NRXN1: variants seen among roughly 807,000 people sequenced by gnomAD.
NRXN1 encodes the protein neurexin-1.
In NRXN1, 39 loss-of-function variants were observed where a neutral mutation model predicts 150.9. The observed-to-expected ratio is 0.26, with a 90% CI of 0.20 to 0.34. The LOEUF is 0.34. NRXN1 is among the 10% of genes least tolerant of loss of function. The pLI is 1.00. For missense variants in NRXN1, 1,815 were observed against 1,949.9 expected (o/e 0.93, Z 1.30); for synonymous variants, 924 against 757.0 (o/e 1.22, Z -3.62).
intron 8 of NRXN1, among the ~76,000 whole-genome samples, chr2:50,618,584 AT>A (rs1432492408): frequency 6.6e-6 from 1 of 151,992 alleles, no homozygotes; most frequent in Non-Finnish European, 1.5e-5. Context: ...GACTTCCTCG[AT>A]TAAGATTTAG....
intron 17 of NRXN1, among the ~76,000 whole-genome samples, chr2:50,279,151 G>A (rs2071065345): frequency 1.3e-5 from 2 of 152,252 alleles, no homozygotes; most frequent in East Asian, 1.9e-4. Context: ...AAATAATGGT[G>A]TTAGTGTTAC....
At chr2:50,673,591 G>A (rs549515525) in intron 5 of NRXN1, among the ~76,000 whole-genome samples, 5 of 152,118 alleles carry the variant, frequency 3.3e-5, no homozygotes, top group African/African-American at 1.2e-4. Flanking sequence ...AGATTATTAG[G>A]ATGCTTCAGG....
At chr2:50,141,378 C>T (rs888576744) in intron 18 of NRXN1, among the ~76,000 whole-genome samples, 3 of 151,898 alleles carry the variant, frequency 2.0e-5, no homozygotes, top group African/African-American at 7.3e-5. Flanking sequence ...ATAGGGAAAA[C>T]ACTCTAAGAC....
At chr2:50,497,963 G>C (rs1477422393) in intron 13 of NRXN1, among the ~76,000 whole-genome samples, 1 of 152,016 alleles carries the variant, frequency 6.6e-6, no homozygotes, top group Non-Finnish European at 1.5e-5. Flanking sequence ...ATTAACAAAA[G>C]TAATGGTATC....
At chr2:49,991,760 A>T (rs1274557473) in intron 21 of NRXN1, among the ~76,000 whole-genome samples, 1 of 152,180 alleles carries the variant, frequency 6.6e-6, no homozygotes, top group Non-Finnish European at 1.5e-5. Context: ...TTATATGGAG[A>T]GGCAAAAGAA....
intron 17 of NRXN1, among the ~76,000 whole-genome samples, chr2:50,457,390 C>T (rs1414038369): frequency 2.0e-5 from 3 of 152,082 alleles, no homozygotes. Flanking sequence ...TTAACAGAGA[C>T]TGTGGGTACA....
intron 17 of NRXN1, among the ~76,000 whole-genome samples, chr2:50,310,971 A>C (rs1009569063): frequency 1.4e-4 from 21 of 152,194 alleles, no homozygotes; most frequent in African/African-American, 5.1e-4. Flanking sequence ...AATATCCTAT[A>C]ATTTGTATAA....
At chr2:50,190,261 C>G (rs1246346917) in intron 18 of NRXN1, among the ~76,000 whole-genome samples, 8 of 152,000 alleles carry the variant, frequency 5.3e-5, no homozygotes, top group Non-Finnish European at 8.8e-5. Flanking sequence ...AAGTTTTTTT[C>G]TATATATGTA....
chr2:49,989,863 T>C (rs1681616658), intron 21 of NRXN1, among the ~76,000 whole-genome samples: 1 of 152,202 alleles, frequency 6.6e-6, no homozygotes, highest in Admixed American at 6.6e-5. Flanking sequence ...TTATCTGTTT[T>C]TTAATGAAAA....
intron 17 of NRXN1, among the ~76,000 whole-genome samples, chr2:50,408,094 G>C (rs909862298): frequency 2.6e-5 from 4 of 152,034 alleles, no homozygotes; most frequent in African/African-American, 9.6e-5. Context: ...TGCCCATCTT[G>C]GAAATCTAAG....
At chr2:50,988,666 C>A (rs929966832) in intron 2 of NRXN1, among the ~76,000 whole-genome samples, 2 of 151,908 alleles carry the variant, frequency 1.3e-5, no homozygotes, top group Admixed American at 6.6e-5. Context: ...CTTGAGATAA[C>A]TGAGATAAAA....
chr2:50,085,801 A>C (rs1416830550), intron 19 of NRXN1, among the ~76,000 whole-genome samples: 5 of 152,182 alleles, frequency 3.3e-5, no homozygotes, highest in Admixed American at 3.3e-4. Flanking sequence ...GAAATAGCAG[A>C]CTGTGACATC....
chr2:50,144,855 G>A (rs1439700963), intron 18 of NRXN1, among the ~76,000 whole-genome samples: 2 of 151,590 alleles, frequency 1.3e-5, no homozygotes, highest in African/African-American at 4.8e-5. Flanking sequence ...TATACAACAT[G>A]ATAGAATATT....
intron 5 of NRXN1, among the ~76,000 whole-genome samples, chr2:50,717,996 C>T (rs1228934972): frequency 1.3e-5 from 2 of 152,102 alleles, no homozygotes; most frequent in Non-Finnish European, 1.5e-5. Flanking sequence ...ACATTTAGTG[C>T]ACTACAACAG....
chr2:49,992,312 G>C (rs1018218580), intron 21 of NRXN1, among the ~76,000 whole-genome samples: 2 of 151,870 alleles, frequency 1.3e-5, no homozygotes, highest in African/African-American at 4.8e-5. Context: ...GGCCAAGGTG[G>C]GTGAATCATG....
chr2:50,809,829 G>A (rs1469917550), intron 5 of NRXN1, among the ~76,000 whole-genome samples: 11 of 152,138 alleles, frequency 7.2e-5, no homozygotes, highest in Admixed American at 6.5e-5. Flanking sequence ...CCTCTCATGA[G>A]TTGAATCCAA....
At chr2:50,762,058 G>C (rs1701861576) in intron 5 of NRXN1, among the ~76,000 whole-genome samples, 1 of 151,642 alleles carries the variant, frequency 6.6e-6, no homozygotes, top group African/African-American at 2.4e-5. Context: ...CCTATTGAGG[G>C]AGTTCATCTT....
chr2:50,513,849 G>C (rs746595235), intron 12 of NRXN1, among the ~76,000 whole-genome samples: 4 of 152,136 alleles, frequency 2.6e-5, no homozygotes, highest in South Asian at 2.1e-4. Flanking sequence ...GTTATATTTG[G>C]AGTTTTAAAC....
chr2:50,700,929 G>A (rs1228790105), intron 5 of NRXN1, among the ~76,000 whole-genome samples: 1 of 152,012 alleles, frequency 6.6e-6, no homozygotes, highest in African/African-American at 2.4e-5. Context: ...GCCTCCGAAA[G>A]TGCTGGGATT....
Sources: gnomAD v4.1 joint callset for allele counts (sites outside exome capture counted in the v4.1 genomes callset) on GRCh38, gnomAD v4.1.1 for gene constraint, MANE v1.5 for transcripts, NCBI Gene and HGNC (gene_info 2026-07-23, HGNC 2026-07-21) for gene names.